CGNL1: variants seen among roughly 807,000 people sequenced by gnomAD.
CGNL1 encodes the protein cingulin like 1.
Under a neutral mutation model 141.2 loss-of-function variants are expected in CGNL1, and 132 were observed. The observed-to-expected ratio is 0.93, with a 90% CI of 0.81 to 1.08. The LOEUF (loss-of-function observed/expected upper bound fraction) is 1.08. Ranked by LOEUF, CGNL1 falls within the 50% of genes least tolerant of loss-of-function variation. CGNL1 has a pLI of 0.00. For missense variants in CGNL1, 1,870 were observed against 1,588.6 expected (o/e 1.18, Z -3.01); for synonymous variants, 690 against 622.1 (o/e 1.11, Z -1.63).
At chr15:57,495,853 G>A (rs529863642) in intron 8 of CGNL1, among the ~76,000 whole-genome samples, 2 of 152,270 alleles carry the variant, frequency 1.3e-5, no homozygotes, top group South Asian at 4.1e-4. Context: ...AAGGCCAAGG[G>A]AATTGGGAAG....
At chr15:57,400,704 G>A (rs2062650662) in intron 1 of CGNL1, among the ~76,000 whole-genome samples, 1 of 151,942 alleles carries the variant, frequency 6.6e-6, no homozygotes, top group Non-Finnish European at 1.5e-5. Context: ...CTAACCTGGT[G>A]AAACCCTGTC....
chr15:57,466,805 A>G (rs1478121479), intron 8 of CGNL1, among the ~76,000 whole-genome samples: 3 of 152,090 alleles, frequency 2.0e-5, no homozygotes. Context: ...GTTTGTTAGG[A>G]GCAGTATCAT....
At chr15:57,383,292 C>CTTTTTTTTTTTTTTTTGTT (rs59213732) in intron 1 of CGNL1, among the ~76,000 whole-genome samples, 1 of 109,602 alleles carries the variant, frequency 9.1e-6, no homozygotes, top group Non-Finnish European at 1.9e-5. Context: ...TTCTTTCTTC[C>CTTTTTTTTTTTTTTTTGTT]TTTTTTTTTT....
At position 57,438,865 on chromosome 15, in the gene CGNL1, A is replaced by G. The variant is rs1263669567; in HGVS notation, c.866A>G (p.Asp289Gly). 8 of 1,614,188 alleles carry G rather than the reference A, an allele frequency of 5.0e-6. No individual in the cohort carries two copies. Among genetic ancestry groups the G allele is most frequent in the South Asian group, 2.2e-5 (2 of 91,078 alleles). ...RRQDSAGPVL[D>G]GARSRRSSSS... ...CAGGATTCAGCGGGACCCGTCCTGG[A>G]TGGAGCTCGGTCCCGGAGGTCCTCC... Residue 289 changes from aspartate to glycine, a missense_variant, in exon 2 of 19, where the codon GAT becomes GGT. By Grantham distance (94) the Asp-to-Gly change is moderately conservative. Transcript: ENST00000281282.
chr15:57,416,651 GTC>G (rs1163945572), intron 1 of CGNL1, among the ~76,000 whole-genome samples: 3 of 152,180 alleles, frequency 2.0e-5, no homozygotes, highest in Non-Finnish European at 4.4e-5. Context: ...CTAGGAACTT[GTC>G]TCTACTGCTG....
At position 57,528,801 on chromosome 15, in the gene CGNL1, G is replaced by A; in HGVS notation, c.3187G>A (p.Val1063Ile). Residue 1063 changes from valine to isoleucine, a missense_variant, in exon 13 of 19, where the codon GTC (valine) becomes ATC (isoleucine). Coordinates refer to ENST00000281282, the MANE Select transcript of CGNL1 (RefSeq NM_032866.5). ...SHLKDDRSRL[V>I]KQMEDKVSQL... ...CCTCAAAGATGACCGCAGCAGGCTG[G>A]TCAAGCAGATGGAGGTCTGTGGGCC... 1 of 1,613,926 alleles carries A rather than the reference G, an allele frequency of 6.2e-7. No individual in the cohort carries two copies. The highest frequency in any genetic ancestry group is 1.3e-5 in the African/African-American group (1 of 75,020).
intron 8 of CGNL1, among the ~76,000 whole-genome samples, chr15:57,494,887 A>C (rs1265606772): frequency 6.6e-6 from 1 of 152,180 alleles, no homozygotes; most frequent in Non-Finnish European, 1.5e-5. Flanking sequence ...TTCATGTATA[A>C]TTCTAACTGT....
At chr15:57,402,566 T>G (rs2062671988) in intron 1 of CGNL1, 2 of 152,320 alleles carry the variant, frequency 1.3e-5, no homozygotes, top group African/African-American at 4.8e-5. Flanking sequence ...TCCACACTTC[T>G]GTCTTATTGG....
chr15:57,384,061 G>T lies in CGNL1; in HGVS notation c.-16+7494G>T, dbSNP rs2062456006. Among the ~76,000 whole-genome samples the T allele has an allele frequency of 3.3e-5, 5 of 151,884 alleles. No homozygotes were observed. The South Asian group carries it at 1.0e-3, about 32-fold the overall frequency. On this transcript the variant is annotated intron_variant, in intron 1 of 18. Coordinates refer to ENST00000281282, the MANE Select transcript of CGNL1 (RefSeq NM_032866.5). ...CTGCCTTGGGCCACCTATAAGCTTT[G>T]GGGAGTGGGGTGGGTGGGTTGGGAG...
chr15:57,470,957 C>T (rs146121987), intron 8 of CGNL1, among the ~76,000 whole-genome samples: 27 of 152,272 alleles, frequency 1.8e-4, no homozygotes, highest in African/African-American at 5.8e-4. Context: ...CGTTCCTCTT[C>T]GAAGAACCTC....
chr15:57,416,604 C>A (rs180792229), intron 1 of CGNL1, among the ~76,000 whole-genome samples: 1 of 152,316 alleles, frequency 6.6e-6, no homozygotes, highest in Non-Finnish European at 1.5e-5. Context: ...TCCAGATTGG[C>A]ATGCTGCTCT....
intron 1 of CGNL1, among the ~76,000 whole-genome samples, chr15:57,408,603 C>T (rs1450308721): frequency 1.3e-5 from 2 of 152,060 alleles, no homozygotes; most frequent in African/African-American, 4.8e-5. Flanking sequence ...AACTCCTGGC[C>T]TCAAGCAGTC....
At chr15:57,464,665 GTTTCT>G (rs2063487388) in intron 8 of CGNL1, among the ~76,000 whole-genome samples, 1 of 129,222 alleles carries the variant, frequency 7.7e-6, no homozygotes, top group African/African-American at 2.9e-5. Flanking sequence ...TTTCTCTGCG[GTTTCT>G]TTTCCTTTCC....
chr15:57,537,193 C>G (rs1292704630), intron 14 of CGNL1, among the ~76,000 whole-genome samples: 2 of 152,192 alleles, frequency 1.3e-5, no homozygotes, highest in Non-Finnish European at 2.9e-5. Context: ...ACTCATCAAG[C>G]CCAGGCAGCT....
intron 10 of CGNL1, among the ~76,000 whole-genome samples, chr15:57,521,103 T>C (rs1426071894): frequency 4.6e-5 from 7 of 152,208 alleles, no homozygotes; most frequent in South Asian, 2.1e-4. Context: ...ATAGAGTCTC[T>C]GTAGCTACAG....
chr15:57,458,618 A>G (rs2152330007), intron 7 of CGNL1, among the ~76,000 whole-genome samples: 1 of 152,310 alleles, frequency 6.6e-6, no homozygotes, highest in Middle Eastern at 3.4e-3. Context: ...TGTGAGAGTA[A>G]AAGCAGGAAA....
chr15:57,429,476 G>A (rs1167960774), intron 1 of CGNL1, among the ~76,000 whole-genome samples: 1 of 152,192 alleles, frequency 6.6e-6, no homozygotes, highest in Non-Finnish European at 1.5e-5. Flanking sequence ...ATATAATTTG[G>A]ACTTAGGCTT....
chr15:57,442,617 T>C (rs567866147), intron 4 of CGNL1, 139 bp downstream of exon 4: 5 of 545,620 alleles, frequency 9.2e-6, no homozygotes, highest in South Asian at 8.2e-5. Context: ...CTTCATGTTT[T>C]ACATGTTGCA....
At chr15:57,464,691 T>C (rs1161204714) in intron 8 of CGNL1, among the ~76,000 whole-genome samples, 1 of 142,250 alleles carries the variant, frequency 7.0e-6, no homozygotes, top group African/African-American at 2.8e-5. Context: ...TTTCCTTTCC[T>C]TTCCTTTCCT....
Sources: gnomAD v4.1 joint callset for allele counts (sites outside exome capture counted in the v4.1 genomes callset) on GRCh38, gnomAD v4.1.1 for gene constraint, MANE v1.5 for transcripts, NCBI Gene and HGNC (gene_info 2026-07-23, HGNC 2026-07-21) for gene names.